Variants in PTPN14 observed in about 807,000 individuals in gnomAD.
PTPN14 encodes protein tyrosine phosphatase non-receptor type 14.
PTPN14 carries 53 observed loss-of-function variants against 126.8 expected under a neutral mutation model. That is an observed-to-expected ratio of 0.42 (90% CI 0.34 to 0.53). The LOEUF (loss-of-function observed/expected upper bound fraction) is 0.53, where lower values mean the gene tolerates loss of function less well. Ranked by LOEUF, PTPN14 falls within the 20% of genes least tolerant of loss-of-function variation. The pLI, the probability that PTPN14 is intolerant of heterozygous loss-of-function variation, is 0.08. For synonymous variants in PTPN14, 630 were observed against 599.3 expected, an observed-to-expected ratio of 1.05 and a Z score of -0.75; for missense variants, 1,257 against 1,552.9, an observed-to-expected ratio of 0.81 and a Z score of 3.20.
intron 17 of PTPN14, among the ~76,000 whole-genome samples, chr1:214,366,989 A>G (rs1337149358): frequency 1.3e-5 from 2 of 151,986 alleles, no homozygotes; most frequent in African/African-American, 4.8e-5. Flanking sequence ...ATCTCAAAAA[A>G]AAAAAAAAAA....
In PTPN14 at chr1:214,384,585, C is replaced by T. The variant is rs975792365; in HGVS notation, c.1270G>A (p.Asp424Asn). ...SIPGSDIMRADYIPSHRHSAI... is the reference protein window; with the variant it reads ...SIPGSDIMRANYIPSHRHSAI... ...CTGTGCCGGTGGCTCGGGATGTAGT[C>T]GGCCCGCATGATGTCACTCCCAGGG... Residue 424 changes from aspartate to asparagine, a missense_variant, in exon 13 of 19, where the codon GAC (aspartate) becomes AAC (asparagine). Around this residue, in one of 3 missense-constraint regions of PTPN14, gnomAD observed 1,021 missense variants for 1,183.3 expected, o/e 0.86. Coordinates refer to ENST00000366956, the MANE Select transcript of PTPN14 (RefSeq NM_005401.5). The surrounding 1 kb of genome is among the most constrained non-coding windows in gnomAD (Gnocchi z 5.3). 4 of 1,614,048 alleles carry T rather than the reference C, an allele frequency of 2.5e-6. No homozygotes were observed. Among genetic ancestry groups the T allele is most frequent in the South Asian group, 1.1e-5 (1 of 91,070 alleles).
intron 6 of PTPN14, 27 bp downstream of exon 6, chr1:214,402,856 C>A (rs1335261819): frequency 6.2e-7 from 1 of 1,610,840 alleles, no homozygotes; most frequent in Middle Eastern, 1.8e-4. Flanking sequence ...GTTGTGCAGG[C>A]AGCCCCTTAC....
At position 214,350,172 on chromosome 1, in the gene PTPN14, GT is replaced by G. The variant is rs1185839758; in HGVS notation, c.*7749del. On this transcript the variant is annotated 3_prime_UTR_variant, in exon 19 of 19. Coordinates refer to ENST00000366956, the MANE Select transcript of PTPN14 (RefSeq NM_005401.5). ...ACCCGCTAATCTTTCCCCTTCCTAG[GT>G]AAGTGAAAACAGATAAAATGTTTCT... 77 of 152,314 alleles carry G rather than the reference GT, an allele frequency of 5.1e-4. No individual in the cohort carries two copies. Among genetic ancestry groups the G allele is most frequent in the African/African-American group, 1.9e-3 (77 of 41,564 alleles). 9.4% of individuals were successfully genotyped at this position (152,314 alleles called of 1,614,324 possible). A position where few individuals can be genotyped will look rare whatever the true frequency, so the allele number is the denominator to read the frequency against.
In PTPN14 at chr1:214,410,674, T is replaced by C. The variant is rs538596958; in HGVS notation, c.510+1010A>G. ...CCAAATTCAGTCCTCTGCATGTAGA[T>C]GGCCAGTTTTCCCAGCACCAATTGC... On this transcript the variant is annotated intron_variant, in intron 5 of 18. Coordinates refer to ENST00000366956, the MANE Select transcript of PTPN14 (RefSeq NM_005401.5). 1.4e-4 allele frequency among the ~76,000 whole-genome samples: 21 copies of C among 152,348 alleles called. 1 individual carries two copies. The South Asian group carries it at 3.9e-3, about 29-fold the overall frequency.
rs557424915 is a variant in PTPN14, at chr1:214,509,509, C to T, written c.-155+41674G>A. Among the ~76,000 whole-genome samples the T allele has an allele frequency of 3.2e-4, 48 of 152,304 alleles. No individual in the cohort carries two copies. The South Asian group carries it at 9.5e-3, about 30-fold the overall frequency. On this transcript the variant is annotated intron_variant, in intron 1 of 18. Coordinates refer to ENST00000366956, the MANE Select transcript of PTPN14 (RefSeq NM_005401.5). ...GTTGGTTCAATCTATCCAGACCACTCAATTTTTCTCCCTATTAGCAATAAG... is the reference window on the plus strand; with the variant it reads ...GTTGGTTCAATCTATCCAGACCACTTAATTTTTCTCCCTATTAGCAATAAG...
At chr1:214,487,544 T>G (rs183022618) in intron 1 of PTPN14, among the ~76,000 whole-genome samples, 1 of 151,882 alleles carries the variant, frequency 6.6e-6, no homozygotes. Context: ...GAGAATCACT[T>G]GAACCCTTGA....
intron 1 of PTPN14, among the ~76,000 whole-genome samples, chr1:214,528,050 A>G (rs575329151): frequency 2.0e-5 from 3 of 152,366 alleles, no homozygotes; most frequent in East Asian, 1.9e-4. Context: ...TAAGTCATCG[A>G]TATCTTAATA....
At chr1:214,435,455 C>T (rs1011159656) in intron 3 of PTPN14, among the ~76,000 whole-genome samples, 1 of 151,678 alleles carries the variant, frequency 6.6e-6, no homozygotes, top group Admixed American at 6.6e-5. Context: ...AGGAAAAATG[C>T]CTGCTTTAGA....
chr1:214,528,217 C>G (rs927795423), intron 1 of PTPN14: 1 of 152,046 alleles, frequency 6.6e-6, no homozygotes, highest in Non-Finnish European at 1.5e-5. Flanking sequence ...TGCATTAAAC[C>G]TACTCCTGGG....
intron 3 of PTPN14, among the ~76,000 whole-genome samples, chr1:214,449,011 C>CTTTTTTTTTTTTTTTTTTTTTTT (rs71165970): frequency 2.7e-5 from 3 of 112,440 alleles, no homozygotes; most frequent in African/African-American, 3.6e-5. Flanking sequence ...CTTAATTTTT[C>CTTTTTTTTTTTTTTTTTTTTTTT]TTTTTTTTTT....
intron 1 of PTPN14, among the ~76,000 whole-genome samples, chr1:214,494,688 G>A (rs996284740): frequency 1.3e-5 from 2 of 152,158 alleles, no homozygotes; most frequent in Non-Finnish European, 2.9e-5. Context: ...ACAAAGCAGG[G>A]AGAACTAAAG....
intron 2 of PTPN14, among the ~76,000 whole-genome samples, chr1:214,461,050 G>A (rs929102017): frequency 6.6e-6 from 1 of 151,946 alleles, no homozygotes; most frequent in Non-Finnish European, 1.5e-5. Context: ...ACATGCACGG[G>A]GCCAGGGGTA....
At chr1:214,470,784 C>A (rs866268434) in intron 1 of PTPN14, among the ~76,000 whole-genome samples, 219 of 102,780 alleles carry the variant, frequency 2.1e-3, no homozygotes, top group Middle Eastern at 7.5e-3. Context: ...AATTCCATCT[C>A]AAAAAAAAAA....
chr1:214,507,214 G>T (rs555449366), intron 1 of PTPN14, among the ~76,000 whole-genome samples: 1 of 152,292 alleles, frequency 6.6e-6, no homozygotes, highest in Non-Finnish European at 1.5e-5. Flanking sequence ...TTCATTCTGA[G>T]CAGTAGGTCT....
At chr1:214,526,532 G>GA (rs57563748) in intron 1 of PTPN14, among the ~76,000 whole-genome samples, 26,802 of 141,412 alleles carry the variant, frequency 0.19, 3,743 homozygotes, top group African/African-American at 0.4. Flanking sequence ...ATGGTTAAAA[G>GA]AAAAAAAAAA....
chr1:214,383,145 T>C lies in PTPN14; in HGVS notation c.2544+166A>G, dbSNP rs544335279. Among the ~76,000 whole-genome samples, 2 of 152,354 alleles carry C rather than the reference T, an allele frequency of 1.3e-5. No individual in the cohort carries two copies. The highest frequency in any genetic ancestry group is 1.3e-4 in the Admixed American group (2 of 15,302). On this transcript the variant is annotated intron_variant, in intron 13 of 18. Coordinates refer to ENST00000366956, the MANE Select transcript of PTPN14 (RefSeq NM_005401.5). This position sits in a 1 kb window ranked among gnomAD's most constrained non-coding sequence, Gnocchi z 4.4. ...CACAAATGAGAATGGAAGATTTATC[T>C]GAAAGGGCAAAAACTCAACATTTTG...
At chr1:214,489,640 C>G (rs567433351) in intron 1 of PTPN14, among the ~76,000 whole-genome samples, 1 of 152,190 alleles carries the variant, frequency 6.6e-6, no homozygotes, top group Admixed American at 6.5e-5. Context: ...ACTTGTCCCA[C>G]TGTGCCATGC....
chr1:214,490,522 T>C (rs1036149416), intron 1 of PTPN14, among the ~76,000 whole-genome samples: 10 of 152,078 alleles, frequency 6.6e-5, no homozygotes, highest in South Asian at 2.1e-4. Flanking sequence ...TGGAAGATGT[T>C]AGAATTCACA....
At chr1:214,441,215 G>GA (rs576830068) in intron 3 of PTPN14, among the ~76,000 whole-genome samples, 113 of 152,280 alleles carry the variant, frequency 7.4e-4, no homozygotes, top group Middle Eastern at 6.8e-3. Context: ...AGTGAAGACT[G>GA]AAAAAGATAA....
Sources: gnomAD v4.1 joint callset for allele counts (sites outside exome capture counted in the v4.1 genomes callset) on GRCh38, gnomAD v4.1.1 for gene constraint, gnomAD v4.1.1 regional missense constraint, Gnocchi (gnomAD v3.1) non-coding constraint, MANE v1.5 for transcripts, NCBI Gene and HGNC (gene_info 2026-07-23, HGNC 2026-07-21) for gene names.